Variants in NOX4 observed in about 807,000 individuals in gnomAD.
NOX4 encodes NADPH oxidase 4.
In NOX4, 69 loss-of-function variants were observed where a neutral mutation model predicts 87.6. That is an observed-to-expected ratio of 0.79 (90% CI 0.65 to 0.96). The LOEUF (loss-of-function observed/expected upper bound fraction) is 0.96, where lower values mean the gene tolerates loss of function less well. Ranked by LOEUF, NOX4 falls within the 40% of genes least tolerant of loss-of-function variation. The pLI is 0.00. For synonymous variants in NOX4, 275 were observed against 238.2 expected, an observed-to-expected ratio of 1.15 and a Z score of -1.42; for missense variants, 680 against 681.5, an observed-to-expected ratio of 1.00 and a Z score of 0.02.
the NOX4 span, among the ~76,000 whole-genome samples, chr11:89,543,924 A>G: frequency 3.0e-4 from 32 of 105,756 alleles, no homozygotes; most frequent in African/African-American, 1.5e-3. Flanking sequence ...AGATATGCTT[A>G]TAAGTATATT....
intron 2 of NOX4, chr11:89,488,913 A>G: frequency 3.0e-6 from 2 of 671,992 alleles, no homozygotes; most frequent in Non-Finnish European, 5.3e-6. Context: ...TTTTTCCATT[A>G]TATTGTAAGC....
At chr11:89,561,438 T>C in the NOX4 span, among the ~76,000 whole-genome samples, 5 of 152,102 alleles carry the variant, frequency 3.3e-5, no homozygotes, top group African/African-American at 1.2e-4. Context: ...TATACAACTG[T>C]CTGCAACATC....
At chr11:89,483,584 G>T (rs1232673669) in intron 2 of NOX4, among the ~76,000 whole-genome samples, 1 of 143,382 alleles carries the variant, frequency 7.0e-6, no homozygotes, top group African/African-American at 2.5e-5. Context: ...GAGTAGAATG[G>T]TAGTTACCAG....
rs1400927666 is a variant in NOX4, at chr11:89,459,846, A to T, written c.154-7951T>A. Among the ~76,000 whole-genome samples the T allele has an allele frequency of 7.0e-4, 106 of 152,224 alleles. 3 individuals carry two copies. The highest frequency in any genetic ancestry group is 6.8e-3 in the Middle Eastern group (2 of 294). On this transcript the variant is annotated intron_variant, in intron 2 of 17. Coordinates refer to ENST00000263317, the MANE Select transcript of NOX4 (RefSeq NM_016931.5). Reference sequence around the variant, plus strand: ...ATATGGAACCAAAAAAGAGCCCACAATTCCAAGTCAATCCTAAGCCAAAAG... The same window carrying T: ...ATATGGAACCAAAAAAGAGCCCACATTTCCAAGTCAATCCTAAGCCAAAAG...
At chr11:89,431,028 C>T (rs989881392) in intron 7 of NOX4, among the ~76,000 whole-genome samples, 1 of 152,128 alleles carries the variant, frequency 6.6e-6, no homozygotes, top group Non-Finnish European at 1.5e-5. Flanking sequence ...TGGAACAGAA[C>T]AGAGCCCTCA....
At chr11:89,580,304 C>A in the NOX4 span, among the ~76,000 whole-genome samples, 2 of 152,076 alleles carry the variant, frequency 1.3e-5, no homozygotes, top group African/African-American at 2.4e-5. Flanking sequence ...CCTACCTCAT[C>A]GTCCTAAAGA....
chr11:89,450,510 T>A (rs1944909690), intron 3 of NOX4, among the ~76,000 whole-genome samples: 1 of 152,176 alleles, frequency 6.6e-6, no homozygotes, highest in Non-Finnish European at 1.5e-5. Context: ...GCAGAATGAC[T>A]GTTTTTGTTT....
At chr11:89,523,747 T>C in the NOX4 span, among the ~76,000 whole-genome samples, 3 of 152,174 alleles carry the variant, frequency 2.0e-5, no homozygotes, top group Admixed American at 6.5e-5. Flanking sequence ...AGTGAAGAGA[T>C]AAACAAAACA....
chr11:89,401,966 A>T (rs566723250), intron 9 of NOX4, among the ~76,000 whole-genome samples: 1 of 152,160 alleles, frequency 6.6e-6, no homozygotes. Flanking sequence ...ATACAATAAA[A>T]TAATAATTTG....
the NOX4 span, among the ~76,000 whole-genome samples, chr11:89,588,839 G>C: frequency 6.6e-6 from 1 of 152,184 alleles, no homozygotes; most frequent in Non-Finnish European, 1.5e-5. Context: ...CCTACCCACA[G>C]AGGATACAGA....
chr11:89,566,776 T>C, the NOX4 span, among the ~76,000 whole-genome samples: 4 of 152,162 alleles, frequency 2.6e-5, no homozygotes, highest in Non-Finnish European at 4.4e-5. Context: ...CTGGGAACCC[T>C]GCATGAGACT....
the NOX4 span, among the ~76,000 whole-genome samples, chr11:89,573,974 A>T: frequency 6.6e-6 from 1 of 152,056 alleles, no homozygotes; most frequent in Non-Finnish European, 1.5e-5. Context: ...CCAGAAGGTC[A>T]TACTCTGATA....
chr11:89,457,499 C>T (rs1218515555), intron 2 of NOX4, among the ~76,000 whole-genome samples: 2 of 152,144 alleles, frequency 1.3e-5, no homozygotes, highest in South Asian at 2.1e-4. Context: ...GACACCTCAG[C>T]CCCCCGAGTG....
chr11:89,371,994 A>AT (rs1210573595), intron 12 of NOX4, among the ~76,000 whole-genome samples: 3 of 151,492 alleles, frequency 2.0e-5, no homozygotes, highest in South Asian at 2.1e-4. Flanking sequence ...TACCAATATT[A>AT]TTTTTTTTAA....
chr11:89,398,092 A>G (rs1230347670), intron 11 of NOX4, among the ~76,000 whole-genome samples: 4 of 152,028 alleles, frequency 2.6e-5, no homozygotes, highest in Admixed American at 6.6e-5. Context: ...ACCGAATCCA[A>G]CAGCACATCA....
At chr11:89,343,461 A>AT (rs879304108) in intron 13 of NOX4, among the ~76,000 whole-genome samples, 6,842 of 143,554 alleles carry the variant, frequency 0.048, 456 homozygotes, top group African/African-American at 0.15. Flanking sequence ...TTTTCATTTG[A>AT]TTTTTTTTTT....
intron 2 of NOX4, among the ~76,000 whole-genome samples, chr11:89,456,805 G>A (rs75397773): frequency 0.022 from 3,423 of 152,224 alleles, 135 homozygotes; most frequent in African/African-American, 0.078. Context: ...AGGAACAGCT[G>A]CAGTGGAGTA....
chr11:89,546,187 A>C, the NOX4 span, among the ~76,000 whole-genome samples: 1 of 152,244 alleles, frequency 6.6e-6, no homozygotes, highest in Non-Finnish European at 1.5e-5. Context: ...TCTTCTGCAT[A>C]ATTATAATAG....
chr11:89,326,637 A>G lies in NOX4; in HGVS notation c.*119T>C, dbSNP rs887663252. 2.9e-5 allele frequency: 23 copies of G among 790,294 alleles called. No individual in the cohort carries two copies. Among genetic ancestry groups the G allele is most frequent in the Non-Finnish European group, 4.2e-5 (22 of 519,096 alleles). The allele number at this position is 790,294 out of a possible 1,614,324, so 49.0% of individuals were successfully genotyped here. ...TCTCACATTTCCATTTTAAATAATC[A>G]TAAATAAGAAAACCTTACTATTCTT... On this transcript the variant is annotated 3_prime_UTR_variant, in exon 18 of 18. Transcript: ENST00000263317.
Sources: gnomAD v4.1 joint callset for allele counts (sites outside exome capture counted in the v4.1 genomes callset) on GRCh38, gnomAD v4.1.1 for gene constraint, MANE v1.5 for transcripts, NCBI Gene and HGNC (gene_info 2026-07-23, HGNC 2026-07-21) for gene names.